ARMH4: variants seen among roughly 807,000 people sequenced by gnomAD.
The protein encoded by ARMH4 is armadillo like helical domain containing 4, also known as armadillo-like helical domain-containing protein 4.
ARMH4 carries 49 observed loss-of-function variants against 61.9 expected under a neutral mutation model. That is an observed-to-expected ratio of 0.79 (90% CI 0.63 to 1.00). The LOEUF (loss-of-function observed/expected upper bound fraction) is 1.00, where lower values mean the gene tolerates loss of function less well. ARMH4 is among the 50% of genes least tolerant of loss of function. ARMH4 has a pLI of 0.00. For synonymous variants in ARMH4, 368 were observed against 341.5 expected (o/e 1.08, Z -0.85); for missense variants, 934 against 930.0 (o/e 1.00, Z -0.06).
intron 5 of ARMH4, among the ~76,000 whole-genome samples, chr14:58,060,829 A>C (rs178494): frequency 0.62 from 94,899 of 152,036 alleles, 30,364 homozygotes; most frequent in African/African-American, 0.75. Flanking sequence ...AAAGGGAAGA[A>C]GTTTTTAGAG....
chr14:58,148,370 A>C (rs1386989355), intron 1 of ARMH4, among the ~76,000 whole-genome samples: 2 of 152,152 alleles, frequency 1.3e-5, no homozygotes, highest in African/African-American at 4.8e-5. Context: ...TTTGAGAATG[A>C]CACTGTACGA....
At chr14:58,047,223 C>T (rs1883973846) in intron 5 of ARMH4, among the ~76,000 whole-genome samples, 3 of 152,108 alleles carry the variant, frequency 2.0e-5, no homozygotes, top group South Asian at 4.1e-4. Flanking sequence ...AAAAGTTGTC[C>T]AAATAATCCA....
intron 5 of ARMH4, among the ~76,000 whole-genome samples, chr14:58,067,749 G>A (rs932791016): frequency 8.5e-5 from 13 of 152,148 alleles, no homozygotes; most frequent in African/African-American, 2.9e-4. Flanking sequence ...AACCAAAATG[G>A]GGGAAATGGA....
intron 5 of ARMH4, among the ~76,000 whole-genome samples, chr14:58,082,994 C>T (rs1368017727): frequency 1.3e-5 from 2 of 152,194 alleles, no homozygotes; most frequent in Admixed American, 1.3e-4. Flanking sequence ...CCTAAGTTCT[C>T]TCTCTTTCCT....
intron 5 of ARMH4, among the ~76,000 whole-genome samples, chr14:58,054,869 CAAAAAAA>C (rs72336341): frequency 9.6e-6 from 1 of 104,170 alleles, no homozygotes; most frequent in Non-Finnish European, 1.9e-5. Flanking sequence ...GACTCTGTCT[CAAAAAAA>C]AAAAAAAAAT....
intron 6 of ARMH4, among the ~76,000 whole-genome samples, chr14:58,011,784 A>C (rs1882418581): frequency 7.1e-6 from 1 of 141,714 alleles, no homozygotes. Flanking sequence ...AAAAAAAAAC[A>C]GATGGAATGA....
chr14:58,012,056 C>A, intron 6 of ARMH4, 63 bp downstream of exon 6: 1 of 1,182,630 alleles, frequency 8.5e-7, no homozygotes. Flanking sequence ...CTCTGAAGAT[C>A]TTTTGCTTAA....
chr14:58,113,190 C>A (rs369403307), intron 4 of ARMH4, among the ~76,000 whole-genome samples: 2 of 152,128 alleles, frequency 1.3e-5, no homozygotes, highest in Admixed American at 6.6e-5. Context: ...ATTAGGTTTG[C>A]TGGTTTTTGA....
At chr14:58,074,810 T>C (rs1247155294) in intron 5 of ARMH4, among the ~76,000 whole-genome samples, 1 of 152,248 alleles carries the variant, frequency 6.6e-6, no homozygotes, top group Admixed American at 6.5e-5. Flanking sequence ...ATTTATATAA[T>C]TTGATTTCTA....
chr14:58,084,359 A>T (rs1340956774), intron 5 of ARMH4, among the ~76,000 whole-genome samples: 1 of 151,946 alleles, frequency 6.6e-6, no homozygotes, highest in African/African-American at 2.4e-5. Flanking sequence ...CTTCACCTTA[A>T]CTCTGTGTGC....
chr14:58,148,034 G>C lies in ARMH4; in HGVS notation c.-57+4041C>G, dbSNP rs116309202. On this transcript the variant is annotated intron_variant, in intron 1 of 7. Coordinates refer to ENST00000267485, the MANE Select transcript of ARMH4 (RefSeq NM_001001872.4). ...CTTTTATGTGCCATACTCATCTCAG[G>C]CTCCTAAGTTGGTTTTTTGTTTGTT... is the stretch of plus-strand genomic sequence containing the variant. 8.7e-3 allele frequency among the ~76,000 whole-genome samples: 1,320 copies of C among 152,156 alleles called. 21 individuals carry two copies. The highest frequency in any genetic ancestry group is 0.03 in the African/African-American group (1,249 of 41,512).
intron 4 of ARMH4, among the ~76,000 whole-genome samples, chr14:58,119,501 A>T (rs932300505): frequency 9.9e-5 from 15 of 152,184 alleles, no homozygotes; most frequent in Non-Finnish European, 5.9e-5. Context: ...TACCACTCAC[A>T]TATAGTTCCA....
chr14:58,091,443 ACTT>A (rs1885561936), intron 5 of ARMH4, among the ~76,000 whole-genome samples: 1 of 152,278 alleles, frequency 6.6e-6, no homozygotes, highest in South Asian at 2.1e-4. Flanking sequence ...TTATTTCTGG[ACTT>A]CTTGTTTTGA....
chr14:58,022,869 A>G (rs948302235), intron 5 of ARMH4, among the ~76,000 whole-genome samples: 5 of 152,340 alleles, frequency 3.3e-5, no homozygotes, highest in East Asian at 3.9e-4. Flanking sequence ...AAATGCTGCA[A>G]TAAGATATGT....
intron 2 of ARMH4, among the ~76,000 whole-genome samples, chr14:58,136,785 A>C (rs1196723403): frequency 6.6e-6 from 1 of 152,200 alleles, no homozygotes; most frequent in Non-Finnish European, 1.5e-5. Context: ...TCCATCAACA[A>C]CAAATAGAAG....
At chr14:58,035,049 C>T (rs1484529080) in intron 5 of ARMH4, among the ~76,000 whole-genome samples, 6 of 140,604 alleles carry the variant, frequency 4.3e-5, no homozygotes, top group South Asian at 2.3e-4. Context: ...CTGCACCAAG[C>T]GGACCTAATA....
At chr14:58,101,780 C>T (rs1402412021) in intron 4 of ARMH4, among the ~76,000 whole-genome samples, 1 of 151,966 alleles carries the variant, frequency 6.6e-6, no homozygotes, top group Non-Finnish European at 1.5e-5. Context: ...GAAGAACCCA[C>T]CATTGATAGA....
intron 5 of ARMH4, among the ~76,000 whole-genome samples, chr14:58,086,887 T>C (rs956402891): frequency 1.6e-4 from 25 of 152,116 alleles, no homozygotes; most frequent in African/African-American, 5.1e-4. Flanking sequence ...GGGAGACAAC[T>C]ATTCCAAGAA....
intron 4 of ARMH4, among the ~76,000 whole-genome samples, chr14:58,125,653 T>C (rs1272461408): frequency 6.6e-6 from 1 of 152,210 alleles, no homozygotes. Context: ...ACCCCTGGAC[T>C]GGCCTGCTAG....
Sources: allele counts gnomAD v4.1 joint callset (sites outside exome capture counted in the v4.1 genomes callset), GRCh38; gene constraint gnomAD v4.1.1; transcripts MANE v1.5; gene names NCBI Gene and HGNC (gene_info 2026-07-23, HGNC 2026-07-21).